CREB5: variants seen among roughly 807,000 people sequenced by gnomAD.
CREB5 encodes the protein cyclic AMP-responsive element-binding protein 5.
CREB5 carries 19 observed loss-of-function variants against 57.1 expected under a neutral mutation model. That is an observed-to-expected ratio of 0.33 (90% confidence interval 0.23 to 0.49). The LOEUF is 0.49. Ranked by LOEUF, CREB5 falls within the 20% of genes least tolerant of loss-of-function variation. The pLI is 0.99. For missense variants in CREB5, 579 were observed against 671.6 expected (o/e 0.86, Z 1.52); for synonymous variants, 238 against 238.3 (o/e 1.00, Z 0.01).
At chr7:28,795,117 TG>T (rs1807951501) in intron 7 of CREB5, among the ~76,000 whole-genome samples, 1 of 152,196 alleles carries the variant, frequency 6.6e-6, no homozygotes, top group South Asian at 2.1e-4. Context: ...TTGATACAGC[TG>T]AAAAATCACA....
chr7:28,514,306 C>T (rs150149244), intron 4 of CREB5, among the ~76,000 whole-genome samples: 33 of 152,248 alleles, frequency 2.2e-4, no homozygotes, highest in African/African-American at 7.7e-4. Context: ...TAATTTCAGA[C>T]GAATGTCTCC....
chr7:28,372,119 G>A (rs1330756291), intron 1 of CREB5, among the ~76,000 whole-genome samples: 1 of 152,114 alleles, frequency 6.6e-6, no homozygotes, highest in African/African-American at 2.4e-5. Context: ...GCGCTGGGCT[G>A]GCGTATATAC....
At chr7:28,698,663 A>G (rs1801695124) in intron 5 of CREB5, among the ~76,000 whole-genome samples, 1 of 152,202 alleles carries the variant, frequency 6.6e-6, no homozygotes, top group Admixed American at 6.5e-5. Flanking sequence ...AGAACTATTC[A>G]TTGGTTTATT....
At chr7:28,381,242 A>C (rs1477344819) in intron 1 of CREB5, among the ~76,000 whole-genome samples, 2 of 152,214 alleles carry the variant, frequency 1.3e-5, no homozygotes, top group South Asian at 2.1e-4. Flanking sequence ...GCAATGTAAC[A>C]GTTGTTAAAC....
intron 4 of CREB5, among the ~76,000 whole-genome samples, chr7:28,549,799 A>G (rs1794554272): frequency 6.6e-6 from 1 of 152,178 alleles, no homozygotes; most frequent in South Asian, 2.1e-4. Context: ...GGGAAAAAGA[A>G]TGCTATTTTC....
Position 28,452,291 on chromosome 7 carries a change from AC to A in CREB5, c.4-35881del, listed in dbSNP as rs1383509020. Among the ~76,000 whole-genome samples the A allele has an allele frequency of 3.3e-5, 5 of 152,094 alleles. No homozygotes were observed. In the South Asian group the frequency reaches 1.0e-3, roughly 32 times the overall value. On this transcript the variant is annotated intron_variant, in intron 1 of 10. Coordinates refer to ENST00000357727, the MANE Select transcript of CREB5 (RefSeq NM_182898.4). ...TGAGTTTTATAGATTAAAAAAACAA[AC>A]CCTATCAGAGTCAAATCATTCTTCT...
chr7:28,733,767 T>A (rs149431219), intron 7 of CREB5, among the ~76,000 whole-genome samples: 185 of 152,290 alleles, frequency 1.2e-3, no homozygotes, highest in African/African-American at 4.3e-3. Context: ...ATCTCTCCTG[T>A]ACTTGCTAGG....
chr7:28,578,810 C>A (rs967706943), intron 5 of CREB5, among the ~76,000 whole-genome samples: 1 of 152,124 alleles, frequency 6.6e-6, no homozygotes, highest in African/African-American at 2.4e-5. Context: ...TTATGTTTCA[C>A]CAAATAAATT....
At chr7:28,564,503 A>G (rs1795406082) in intron 4 of CREB5, among the ~76,000 whole-genome samples, 2 of 152,218 alleles carry the variant, frequency 1.3e-5, no homozygotes. Context: ...CAGAAAGACA[A>G]TTACCACTCT....
intron 4 of CREB5, among the ~76,000 whole-genome samples, chr7:28,563,927 C>T (rs898457963): frequency 2.0e-5 from 3 of 152,122 alleles, no homozygotes; most frequent in African/African-American, 4.8e-5. Flanking sequence ...CTCACTACCC[C>T]CTTGGTCATG....
intron 5 of CREB5, among the ~76,000 whole-genome samples, chr7:28,691,921 C>T (rs557228559): frequency 6.7e-6 from 1 of 150,242 alleles, no homozygotes. Context: ...GTAATCCCAG[C>T]ACTTTGGGAG....
chr7:28,459,384 C>T (rs879804052), intron 1 of CREB5, among the ~76,000 whole-genome samples: 4 of 152,088 alleles, frequency 2.6e-5, no homozygotes, highest in Admixed American at 6.5e-5. Flanking sequence ...GCAAAGGAAC[C>T]CTTTTCCTTT....
At chr7:28,309,781 C>T (rs1785244287) in intron 1 of CREB5, among the ~76,000 whole-genome samples, 1 of 152,150 alleles carries the variant, frequency 6.6e-6, no homozygotes, top group Non-Finnish European at 1.5e-5. Context: ...CAGGACAAGC[C>T]ACATCATAGC....
At chr7:28,656,361 T>C (rs1388645208) in intron 5 of CREB5, among the ~76,000 whole-genome samples, 1 of 152,232 alleles carries the variant, frequency 6.6e-6, no homozygotes, top group Non-Finnish European at 1.5e-5. Context: ...GCATTCCTCA[T>C]TTTCAGAGTC....
chr7:28,773,497 C>A (rs1806451520), intron 7 of CREB5, among the ~76,000 whole-genome samples: 1 of 150,692 alleles, frequency 6.6e-6, no homozygotes, highest in Non-Finnish European at 1.5e-5. Flanking sequence ...CTGAAAAGGA[C>A]CATATAATCA....
rs1215374102 is a variant in CREB5 at position 28,820,810 on chromosome 7, G to GTCTT, written c.*1532_*1535dup. On this transcript the variant is annotated 3_prime_UTR_variant, in exon 11 of 11. Coordinates refer to ENST00000357727, the MANE Select transcript of CREB5 (RefSeq NM_182898.4). ...TATTTTAAAATAAAAGATGAGGTCTGTCTTATGTTGCCCAGGCTGGTCTCA... is the reference window on the plus strand; with the variant it reads ...TATTTTAAAATAAAAGATGAGGTCTGTCTTTCTTATGTTGCCCAGGCTGGTCTCA... The GTCTT allele has an allele frequency of 6.6e-6, 1 of 152,100 alleles. No individual in the cohort carries two copies. Among genetic ancestry groups the GTCTT allele is most frequent in the Non-Finnish European group, 1.5e-5 (1 of 68,028 alleles). 9.4% of individuals were successfully genotyped at this position (152,100 alleles called of 1,614,324 possible). A position where few individuals can be genotyped will look rare whatever the true frequency, so the allele number is the denominator to read the frequency against.
rs541182034 is a variant in CREB5, at chr7:28,555,608, AT to A, written c.292-14749del. On this transcript the variant is annotated intron_variant, in intron 4 of 10. Transcript: ENST00000357727. ...TCTTTACATATAGGGCTGTAATTTG[AT>A]TTTTTTTAAAGTAACTGGACAACAC... is the stretch of plus-strand genomic sequence containing the variant. Among the ~76,000 whole-genome samples the A allele has an allele frequency of 7.9e-5, 12 of 152,268 alleles. 1 individual carries two copies. In the South Asian group the frequency reaches 2.1e-3, roughly 26 times the overall value.
At chr7:28,360,280 T>C (rs1279450289) in intron 1 of CREB5, among the ~76,000 whole-genome samples, 1 of 152,238 alleles carries the variant, frequency 6.6e-6, no homozygotes, top group Non-Finnish European at 1.5e-5. Context: ...CATGTTTTTG[T>C]AGCATTATTC....
intron 1 of CREB5, among the ~76,000 whole-genome samples, chr7:28,406,982 T>C (rs1306552927): frequency 6.6e-6 from 1 of 152,098 alleles, no homozygotes; most frequent in East Asian, 1.9e-4. Context: ...ATACCTTTAT[T>C]AATAAAAAGA....
Sources: gnomAD v4.1 joint callset for allele counts (sites outside exome capture counted in the v4.1 genomes callset) on GRCh38, gnomAD v4.1.1 for gene constraint, MANE v1.5 for transcripts, NCBI Gene and HGNC (gene_info 2026-07-23, HGNC 2026-07-21) for gene names.